Variants in PRPF18 observed in about 807,000 individuals in gnomAD.
PRPF18 encodes the protein pre-mRNA processing factor 18.
A neutral mutation model predicts 46.5 loss-of-function variants in PRPF18; 38 were observed. The observed-to-expected ratio is 0.82, with a 90% CI of 0.63 to 1.07. PRPF18 has a LOEUF of 1.07. Among genes scored for constraint, PRPF18 ranks in the 50% least tolerant of loss-of-function variants. The pLI, the probability that PRPF18 is intolerant of heterozygous loss-of-function variation, is 0.00. For synonymous variants in PRPF18, 152 were observed against 146.7 expected (o/e 1.04, Z -0.26); for missense variants, 263 against 410.0 (o/e 0.64, Z 3.10).
intron 4 of PRPF18, among the ~76,000 whole-genome samples, chr10:13,607,653 C>T (rs915378844): frequency 2.0e-5 from 3 of 152,168 alleles, no homozygotes; most frequent in African/African-American, 4.8e-5. Context: ...TCAAGGGATC[C>T]TCCCGCCTTG....
chr10:13,626,990 T>A (rs2080517482), intron 9 of PRPF18, among the ~76,000 whole-genome samples: 3 of 152,280 alleles, frequency 2.0e-5, no homozygotes, highest in African/African-American at 7.2e-5. Flanking sequence ...CCACCTCTCA[T>A]CTGAATTATT....
At chr10:13,612,226 C>T (rs1302294625) in intron 6 of PRPF18, among the ~76,000 whole-genome samples, 2 of 151,982 alleles carry the variant, frequency 1.3e-5, no homozygotes, top group African/African-American at 4.8e-5. Flanking sequence ...TTAATGTAAA[C>T]ACATAGAAAA....
chr10:13,587,598 C>G (rs2079895079), intron 1 of PRPF18, among the ~76,000 whole-genome samples: 3 of 152,282 alleles, frequency 2.0e-5, no homozygotes, highest in Non-Finnish European at 4.4e-5. Context: ...GGGCCAATCA[C>G]GGGCCATCCC....
intron 1 of PRPF18, among the ~76,000 whole-genome samples, chr10:13,588,591 A>T (rs2079911429): frequency 1.3e-5 from 2 of 151,894 alleles, no homozygotes; most frequent in South Asian, 4.2e-4. Context: ...AAAAAAAAAA[A>T]AAAGTAATAA....
chr10:13,630,128 C>T, intron 9 of PRPF18, 132 bp from the exon 10 acceptor site: 2 of 689,682 alleles, frequency 2.9e-6, no homozygotes. Flanking sequence ...TCTAGGCATA[C>T]ATCTGAGTGA....
At chr10:13,591,515 T>C in intron 1 of PRPF18, 1 of 715,874 alleles carries the variant, frequency 1.4e-6, no homozygotes. Context: ...AGATCGCAGG[T>C]AGTCCTGGAG....
chr10:13,624,561 C>T (rs116828102), intron 9 of PRPF18, among the ~76,000 whole-genome samples: 35 of 152,290 alleles, frequency 2.3e-4, no homozygotes, highest in African/African-American at 7.9e-4. Flanking sequence ...AGCAGAAAAT[C>T]GGGTTGCTTT....
intron 9 of PRPF18, among the ~76,000 whole-genome samples, chr10:13,623,791 G>A (rs995743233): frequency 6.6e-5 from 10 of 151,918 alleles, no homozygotes; most frequent in Non-Finnish European, 1.3e-4. Flanking sequence ...TGATTTCTCC[G>A]GATATAAAGA....
chr10:13,591,947 A>G lies in PRPF18; in HGVS notation c.66+4795A>G, dbSNP rs976249560. On this transcript the variant is annotated intron_variant, in intron 1 of 9. Coordinates refer to ENST00000378572, the MANE Select transcript of PRPF18 (RefSeq NM_003675.4). ...CTGAGGGTTTTTTTTTTTTTTTGCC[A>G]TGGCTCAACAGCTTTTGAGGCACAT... is the stretch of plus-strand genomic sequence containing the variant. The G allele has an allele frequency of 6.8e-6, 8 of 1,172,458 alleles. No homozygotes were observed. In the African/African-American group the frequency reaches 8.3e-5, roughly 12 times the overall value. The allele number at this position is 1,172,458 out of a possible 1,614,324, so 72.6% of individuals were successfully genotyped here. A position where few individuals can be genotyped will look rare whatever the true frequency, so the allele number is the denominator to read the frequency against.
At chr10:13,634,460 A>G (rs2080617549), downstream of PRPF18, among the ~76,000 whole-genome samples, 1 of 152,220 alleles carries the variant, frequency 6.6e-6, no homozygotes, top group Admixed American at 6.5e-5. Context: ...CACTCCTGCA[A>G]TCCGCTGTCC....
At chr10:13,594,692 A>G (rs1455192631) in intron 1 of PRPF18, among the ~76,000 whole-genome samples, 1 of 152,230 alleles carries the variant, frequency 6.6e-6, no homozygotes, top group Admixed American at 6.5e-5. Context: ...GGCTTCAAGT[A>G]TTGGGAAGCT....
chr10:13,640,277 A>G, the PRPF18 span: 11,990 of 119,856 alleles, frequency 0.1, 601 homozygotes, highest in Non-Finnish European at 0.15. Flanking sequence ...TTTGCCTCCT[A>G]CCTCTTCACT....
In PRPF18 at chr10:13,616,557, A is replaced by C; in HGVS notation, c.948+4A>C. 6.2e-7 allele frequency: 1 copy of C among 1,613,744 alleles called. No individual in the cohort carries two copies. Among genetic ancestry groups the C allele is most frequent in the Non-Finnish European group, 8.5e-7 (1 of 1,179,812 alleles). The stretch of plus-strand genomic sequence containing the variant: ...AACTCAGCGGAAATATATTCAGGTA[A>C]GCAGTTTGGAGAGCCGGGAATTGCC... On this transcript the variant is annotated splice_donor_region_variant and intron_variant, in intron 9 of 9. Transcript: ENST00000378572.
At chr10:13,626,010 C>G (rs1165695932) in intron 9 of PRPF18, among the ~76,000 whole-genome samples, 1 of 152,236 alleles carries the variant, frequency 6.6e-6, no homozygotes, top group East Asian at 1.9e-4. Context: ...GATGGACACT[C>G]ACATTTCCCT....
the PRPF18 span, chr10:13,646,636 C>G: frequency 1.3e-5 from 2 of 152,650 alleles, no homozygotes; most frequent in Non-Finnish European, 2.9e-5. Flanking sequence ...CGGCTGGCCC[C>G]CCTGATGGTT....
At chr10:13,652,057 A>G in the PRPF18 span, 1 of 806,688 alleles carries the variant, frequency 1.2e-6, no homozygotes, top group Non-Finnish European at 2.3e-6. Flanking sequence ...CACGATTAGT[A>G]GCTTATTAAT....
the PRPF18 span, chr10:13,654,335 ATATCCT>A: frequency 6.4e-6 from 6 of 932,978 alleles, no homozygotes; most frequent in Non-Finnish European, 9.0e-6. Context: ...ATTTACTGAC[ATATCCT>A]TATGTCACCA....
chr10:13,633,333 A>T (rs1040402995), downstream of PRPF18, among the ~76,000 whole-genome samples: 1 of 152,202 alleles, frequency 6.6e-6, no homozygotes, highest in Non-Finnish European at 1.5e-5. Flanking sequence ...ATGACTTTTA[A>T]TGCTAAGCTC....
downstream of PRPF18, chr10:13,631,621 C>G (rs2080590596): frequency 6.6e-6 from 1 of 152,150 alleles, no homozygotes; most frequent in Non-Finnish European, 1.5e-5. Flanking sequence ...AGCCAGAGTC[C>G]CTTTCAGGAG....
Sources: gnomAD v4.1 joint callset for allele counts (sites outside exome capture counted in the v4.1 genomes callset) on GRCh38, gnomAD v4.1.1 for gene constraint, MANE v1.5 for transcripts, NCBI Gene and HGNC (gene_info 2026-07-23, HGNC 2026-07-21) for gene names.